Variants in TBC1D19 observed in about 807,000 individuals in gnomAD.
TBC1D19 encodes the protein TBC1 domain family member 19, also known as TBC1 domain family, member 19.
A neutral mutation model predicts 89.0 loss-of-function variants in TBC1D19; 60 were observed. The observed-to-expected ratio is 0.67, with a 90% CI of 0.55 to 0.84. The LOEUF (loss-of-function observed/expected upper bound fraction) is 0.84, where lower values mean the gene tolerates loss of function less well. Among genes scored for constraint, TBC1D19 ranks in the 40% least tolerant of loss-of-function variants. The pLI is 0.00. For synonymous variants in TBC1D19, 189 were observed against 199.7 expected, an observed-to-expected ratio of 0.95 and a Z score of 0.45; for missense variants, 500 against 610.8, an observed-to-expected ratio of 0.82 and a Z score of 1.91.
the TBC1D19 span, among the ~76,000 whole-genome samples, chr4:26,794,223 T>C: frequency 6.6e-6 from 1 of 152,358 alleles, no homozygotes; most frequent in South Asian, 2.1e-4. Context: ...TGCTGTTATT[T>C]ATATTTTCAG....
rs114756159 is a variant in TBC1D19 at position 26,682,694 on chromosome 4, C to T, written c.817-981C>T. Among the ~76,000 whole-genome samples, 881 of 152,282 alleles carry T rather than the reference C, an allele frequency of 5.8e-3. 3 individuals carry two copies. The highest frequency in any genetic ancestry group is 0.023 in the South Asian group (112 of 4,822). On this transcript the variant is annotated intron_variant, in intron 11 of 20. Transcript: ENST00000264866. ...AGCTAAAGCAACGAGACACTATTTG[C>T]ATCTCTTGTTAGCATAACTATTACC...
intron 16 of TBC1D19, among the ~76,000 whole-genome samples, chr4:26,737,450 C>G (rs1005362718): frequency 6.6e-6 from 1 of 152,018 alleles, no homozygotes; most frequent in Admixed American, 6.6e-5. Context: ...GGAAGTTGTA[C>G]TTGAATGATT....
chr4:26,756,678 A>G (rs1017596925), downstream of TBC1D19, among the ~76,000 whole-genome samples: 8 of 152,230 alleles, frequency 5.3e-5, no homozygotes, highest in Non-Finnish European at 1.0e-4. Flanking sequence ...GCAAAGCACC[A>G]AGCAAATGAA....
the TBC1D19 span, among the ~76,000 whole-genome samples, chr4:26,809,207 T>A: frequency 1.3e-5 from 2 of 152,190 alleles, no homozygotes; most frequent in African/African-American, 4.8e-5. Context: ...GTCTTCTCCA[T>A]CTGCCCCTCC....
At chr4:26,833,820 A>G in the TBC1D19 span, among the ~76,000 whole-genome samples, 1 of 152,234 alleles carries the variant, frequency 6.6e-6, no homozygotes, top group Non-Finnish European at 1.5e-5. Flanking sequence ...GCTAGGAATT[A>G]TACCAAGTAG....
intron 13 of TBC1D19, among the ~76,000 whole-genome samples, chr4:26,703,439 CTTGTCA>C (rs2109218867): frequency 6.6e-6 from 1 of 152,118 alleles, no homozygotes; most frequent in South Asian, 2.1e-4. Context: ...AAAGCCTGTT[CTTGTCA>C]TTAATTACAG....
At chr4:26,815,454 C>T in the TBC1D19 span, among the ~76,000 whole-genome samples, 6 of 152,196 alleles carry the variant, frequency 3.9e-5, no homozygotes, top group African/African-American at 1.4e-4. Flanking sequence ...TTCAGTTGAG[C>T]CTAATCCTGT....
chr4:26,723,309 A>G (rs1037208096), intron 15 of TBC1D19, among the ~76,000 whole-genome samples: 3 of 151,904 alleles, frequency 2.0e-5, no homozygotes, highest in African/African-American at 4.8e-5. Context: ...GCATTTTTAT[A>G]TTACCCACCC....
At chr4:26,825,245 C>T in the TBC1D19 span, among the ~76,000 whole-genome samples, 1 of 152,052 alleles carries the variant, frequency 6.6e-6, no homozygotes, top group Admixed American at 6.6e-5. Context: ...ACTACAGGTG[C>T]ACACCACCAC....
At chr4:26,842,637 T>TTTCTTTCC in the TBC1D19 span, among the ~76,000 whole-genome samples, 3 of 143,574 alleles carry the variant, frequency 2.1e-5, no homozygotes, top group African/African-American at 7.9e-5. Flanking sequence ...TCTTTCTTTC[T>TTTCTTTCC]TTCTTTCTTT....
downstream of TBC1D19, among the ~76,000 whole-genome samples, chr4:26,760,922 G>A (rs1719439161): frequency 6.6e-6 from 1 of 152,060 alleles, no homozygotes; most frequent in Non-Finnish European, 1.5e-5. Context: ...GCAAGTTAAG[G>A]GTTGAGGTTT....
intron 13 of TBC1D19, among the ~76,000 whole-genome samples, chr4:26,694,302 G>T (rs1319529530): frequency 6.6e-6 from 1 of 152,132 alleles, no homozygotes; most frequent in African/African-American, 2.4e-5. Context: ...CTCATTGCTA[G>T]CACAGCAGTC....
intron 13 of TBC1D19, chr4:26,702,178 A>G (rs1715385868): frequency 6.6e-6 from 1 of 152,204 alleles, no homozygotes; most frequent in Admixed American, 6.5e-5. Flanking sequence ...TTAAGGGAGC[A>G]TTCATTTTTA....
intron 10 of TBC1D19, among the ~76,000 whole-genome samples, chr4:26,673,062 C>T (rs182472155): frequency 3.8e-4 from 57 of 151,230 alleles, no homozygotes; most frequent in Admixed American, 1.9e-3. Context: ...CCTTTATTTC[C>T]AGACTGAATA....
At chr4:26,760,467 G>C (rs567116665), downstream of TBC1D19, among the ~76,000 whole-genome samples, 1 of 152,112 alleles carries the variant, frequency 6.6e-6, no homozygotes, top group Non-Finnish European at 1.5e-5. Context: ...TGGTGGGAGT[G>C]GTGGGGATGC....
At chr4:26,800,589 C>G in the TBC1D19 span, among the ~76,000 whole-genome samples, 1 of 152,328 alleles carries the variant, frequency 6.6e-6, no homozygotes, top group East Asian at 1.9e-4. Flanking sequence ...ACACTGACTT[C>G]CGCAATGGTT....
chr4:26,621,010 A>G (rs1742014704), intron 4 of TBC1D19, among the ~76,000 whole-genome samples: 1 of 152,174 alleles, frequency 6.6e-6, no homozygotes, highest in East Asian at 1.9e-4. Context: ...AAGGAATGAA[A>G]TGTGAATGAA....
chr4:26,713,239 A>G (rs1020627017), intron 13 of TBC1D19, among the ~76,000 whole-genome samples: 3 of 152,062 alleles, frequency 2.0e-5, no homozygotes, highest in African/African-American at 7.2e-5. Flanking sequence ...AGTAAAACAA[A>G]TCACAACATA....
chr4:26,779,013 G>A, the TBC1D19 span, among the ~76,000 whole-genome samples: 3 of 152,182 alleles, frequency 2.0e-5, no homozygotes, highest in East Asian at 5.8e-4. Flanking sequence ...GTGATCCAAA[G>A]TATAGCCATG....
Sources: gnomAD v4.1 joint callset for allele counts (sites outside exome capture counted in the v4.1 genomes callset) on GRCh38, gnomAD v4.1.1 for gene constraint, MANE v1.5 for transcripts, NCBI Gene and HGNC (gene_info 2026-07-23, HGNC 2026-07-21) for gene names.